ZMAT4: variants seen among roughly 807,000 people sequenced by gnomAD.
ZMAT4 encodes zinc finger matrin-type 4, also known as zinc finger matrin-type protein 4.
ZMAT4 carries 17 observed loss-of-function variants against 28.7 expected under a neutral mutation model. The ratio of observed to expected loss-of-function variants is 0.59; its 90% CI spans 0.41 to 0.89. The LOEUF (loss-of-function observed/expected upper bound fraction) is 0.89, where lower values mean the gene tolerates loss of function less well. ZMAT4 is among the 40% of genes least tolerant of loss of function. The pLI is 0.00. For missense variants in ZMAT4, 240 were observed against 283.8 expected (o/e 0.85, Z 1.11); for synonymous variants, 117 against 109.2 (o/e 1.07, Z -0.44).
At chr8:40,602,834 C>T (rs927040119) in intron 5 of ZMAT4, among the ~76,000 whole-genome samples, 9 of 152,136 alleles carry the variant, frequency 5.9e-5, no homozygotes, top group Non-Finnish European at 1.0e-4. Context: ...GCATAGTGTG[C>T]GAAGATTTTC....
chr8:40,803,433 C>T (rs66518776), intron 2 of ZMAT4, among the ~76,000 whole-genome samples: 61,826 of 151,926 alleles, frequency 0.41, 13,417 homozygotes, highest in Middle Eastern at 0.54. Context: ...GGGCCAAAGA[C>T]CTTAAGAGAC....
At chr8:40,707,588 T>C (rs749707995) in intron 3 of ZMAT4, among the ~76,000 whole-genome samples, 72 of 151,962 alleles carry the variant, frequency 4.7e-4, no homozygotes, top group Non-Finnish European at 8.7e-4. Flanking sequence ...GTAAGTCAAA[T>C]ATCTTTGTGT....
chr8:40,713,096 G>T (rs1446615187), intron 3 of ZMAT4, among the ~76,000 whole-genome samples: 2 of 152,010 alleles, frequency 1.3e-5, no homozygotes, highest in Non-Finnish European at 2.9e-5. Flanking sequence ...TTTAAAGTGG[G>T]TTTCTGCTAC....
At chr8:40,611,404 G>A (rs1349450000) in intron 5 of ZMAT4, among the ~76,000 whole-genome samples, 2 of 151,520 alleles carry the variant, frequency 1.3e-5, no homozygotes, top group South Asian at 2.1e-4. Flanking sequence ...CCAGTGGCGC[G>A]ATCTCTGCTC....
chr8:40,532,768 T>C (rs775691019), intron 6 of ZMAT4, among the ~76,000 whole-genome samples: 1 of 151,940 alleles, frequency 6.6e-6, no homozygotes, highest in Non-Finnish European at 1.5e-5. Context: ...GAGGTAGAGG[T>C]GGGCAGATCA....
intron 1 of ZMAT4, among the ~76,000 whole-genome samples, chr8:40,862,091 A>T (rs2150645368): frequency 6.6e-6 from 1 of 152,304 alleles, no homozygotes; most frequent in East Asian, 1.9e-4. Context: ...AAGGATTATA[A>T]ATCATGCTGC....
chr8:40,748,584 A>T (rs1195307073), intron 3 of ZMAT4, among the ~76,000 whole-genome samples: 1 of 152,176 alleles, frequency 6.6e-6, no homozygotes, highest in Non-Finnish European at 1.5e-5. Context: ...AAGTAATGAC[A>T]AGTTGTGTTC....
intron 2 of ZMAT4, among the ~76,000 whole-genome samples, chr8:40,819,145 G>T (rs541118985): frequency 3.9e-5 from 6 of 152,132 alleles, no homozygotes; most frequent in South Asian, 2.1e-4. Context: ...ACATGTTTTG[G>T]CATGTCTCTG....
At chr8:40,724,163 C>T (rs1811226031) in intron 3 of ZMAT4, among the ~76,000 whole-genome samples, 2 of 152,092 alleles carry the variant, frequency 1.3e-5, no homozygotes, top group South Asian at 2.1e-4. Flanking sequence ...AGTTCTCTGT[C>T]CAGCAAAGCA....
intron 4 of ZMAT4, among the ~76,000 whole-genome samples, chr8:40,678,545 C>A (rs1172424954): frequency 6.6e-6 from 1 of 152,208 alleles, no homozygotes; most frequent in Non-Finnish European, 1.5e-5. Flanking sequence ...GGGGCCTTAA[C>A]AACCTAAGCA....
intron 5 of ZMAT4, among the ~76,000 whole-genome samples, chr8:40,591,599 T>C (rs1193238750): frequency 1.4e-5 from 2 of 143,188 alleles, no homozygotes; most frequent in Non-Finnish European, 1.6e-5. Flanking sequence ...AGCAGGCCCA[T>C]CAAAAGATGC....
intron 1 of ZMAT4, among the ~76,000 whole-genome samples, chr8:40,855,282 C>T (rs1016733020): frequency 6.6e-6 from 1 of 152,102 alleles, no homozygotes; most frequent in East Asian, 1.9e-4. Flanking sequence ...TGCATCCTAA[C>T]GGAGCCCACT....
intron 1 of ZMAT4, among the ~76,000 whole-genome samples, chr8:40,849,045 G>A (rs959868145): frequency 6.6e-6 from 1 of 152,244 alleles, no homozygotes; most frequent in Non-Finnish European, 1.5e-5. Context: ...CTGCTGTCAG[G>A]CTGGAGGTGC....
chr8:40,882,416 G>GC (rs1818312643), intron 1 of ZMAT4, among the ~76,000 whole-genome samples: 1 of 152,094 alleles, frequency 6.6e-6, no homozygotes, highest in Non-Finnish European at 1.5e-5. Flanking sequence ...TCCAAAGAAC[G>GC]CAAAAACCCT....
intron 1 of ZMAT4, among the ~76,000 whole-genome samples, chr8:40,834,689 A>G (rs1816413526): frequency 6.6e-6 from 1 of 152,144 alleles, no homozygotes; most frequent in Admixed American, 6.5e-5. Flanking sequence ...GCTTCAACAC[A>G]TAAATAGAAT....
intron 5 of ZMAT4, among the ~76,000 whole-genome samples, chr8:40,666,521 T>C (rs1808421768): frequency 1.3e-5 from 2 of 152,078 alleles, no homozygotes; most frequent in Non-Finnish European, 2.9e-5. Context: ...TTCCCAATGA[T>C]TAATGTGAAA....
intron 3 of ZMAT4, among the ~76,000 whole-genome samples, chr8:40,755,545 C>T (rs1045767503): frequency 3.9e-5 from 6 of 152,220 alleles, no homozygotes; most frequent in Middle Eastern, 3.4e-3. Flanking sequence ...CTCCGCCTCC[C>T]GGGTTCAAGC....
At chr8:40,697,113 C>A (rs961670454) in intron 4 of ZMAT4, 132 bp downstream of exon 4, 2 of 1,126,818 alleles carry the variant, frequency 1.8e-6, no homozygotes, top group Non-Finnish European at 2.5e-6. Context: ...CCACTCATCC[C>A]TTTAGGCTTT....
In ZMAT4 at chr8:40,833,333, G is replaced by A. The variant is rs553038670; in HGVS notation, c.-4-7653C>T. Among the ~76,000 whole-genome samples, 24 of 152,162 alleles carry A rather than the reference G, an allele frequency of 1.6e-4. No homozygotes were observed. The East Asian group carries it at 3.7e-3, about 23-fold the overall frequency. ...ACCTGTAATCCCAGCACTATGAGAG[G>A]CCGAGGTGGGCAGATTATGAGGTCA... On this transcript the variant is annotated intron_variant, in intron 1 of 6. Transcript: ENST00000297737.
Sources: allele counts gnomAD v4.1 joint callset (sites outside exome capture counted in the v4.1 genomes callset), GRCh38; gene constraint gnomAD v4.1.1; transcripts MANE v1.5; gene names NCBI Gene and HGNC (gene_info 2026-07-23, HGNC 2026-07-21).